CADPS: variants seen among roughly 807,000 people sequenced by gnomAD.
CADPS encodes calcium dependent secretion activator.
CADPS carries 57 observed loss-of-function variants against 167.3 expected under a neutral mutation model. The ratio of observed to expected loss-of-function variants is 0.34; its 90% confidence interval spans 0.28 to 0.42. CADPS has a LOEUF of 0.42. CADPS is among the 20% of genes least tolerant of loss of function. The pLI, the probability that CADPS is intolerant of heterozygous loss-of-function variation, is 1.00. For missense variants in CADPS, 1,414 were observed against 1,738.1 expected (o/e 0.81, Z 3.32); for synonymous variants, 676 against 635.3 (o/e 1.06, Z -0.96).
intron 26 of CADPS, among the ~76,000 whole-genome samples, chr3:62,450,273 T>C (rs550151767): frequency 6.6e-6 from 1 of 152,284 alleles, no homozygotes; most frequent in South Asian, 2.1e-4. Context: ...AAAGACCTGT[T>C]CTCTTTGCTA....
chr3:62,799,297 G>A (rs761488584), intron 1 of CADPS, among the ~76,000 whole-genome samples: 1 of 152,054 alleles, frequency 6.6e-6, no homozygotes, highest in Non-Finnish European at 1.5e-5. Flanking sequence ...TGTAGCCGAG[G>A]GTGCCTCTGT....
chr3:62,571,727 G>A (rs2081326444), intron 8 of CADPS, among the ~76,000 whole-genome samples: 1 of 151,982 alleles, frequency 6.6e-6, no homozygotes, highest in Non-Finnish European at 1.5e-5. Context: ...ACCATGCTTG[G>A]CTAATTTTGT....
At chr3:62,702,731 G>A (rs918273837) in intron 3 of CADPS, among the ~76,000 whole-genome samples, 1 of 152,110 alleles carries the variant, frequency 6.6e-6, no homozygotes, top group African/African-American at 2.4e-5. Flanking sequence ...CATGACTATG[G>A]AACAGTTGAA....
At chr3:62,556,585 G>A (rs1401808512) in intron 10 of CADPS, among the ~76,000 whole-genome samples, 2 of 152,184 alleles carry the variant, frequency 1.3e-5, no homozygotes. Flanking sequence ...TTCTCCGGGA[G>A]AGGGCTGTTG....
At chr3:62,629,262 T>C (rs1008409699) in intron 6 of CADPS, among the ~76,000 whole-genome samples, 6 of 152,192 alleles carry the variant, frequency 3.9e-5, no homozygotes, top group African/African-American at 1.4e-4. Context: ...AAAAGATCCT[T>C]TGTGTCTGTT....
At chr3:62,671,823 C>T (rs747726892) in intron 3 of CADPS, among the ~76,000 whole-genome samples, 2 of 152,084 alleles carry the variant, frequency 1.3e-5, no homozygotes, top group South Asian at 2.1e-4. Context: ...GTGCCAGTGG[C>T]GTGATCTCAG....
At chr3:62,567,973 C>T (rs1330314623) in intron 9 of CADPS, among the ~76,000 whole-genome samples, 1 of 152,158 alleles carries the variant, frequency 6.6e-6, no homozygotes, top group East Asian at 1.9e-4. Context: ...ATTTCTCCTT[C>T]TGGTAATGGC....
chr3:62,445,919 A>G, intron 26 of CADPS, 122 bp from the exon 27 acceptor site: 1 of 576,438 alleles, frequency 1.7e-6, no homozygotes, highest in South Asian at 6.0e-5. Flanking sequence ...ACCAGGAAAA[A>G]CAGAAAGGTA....
intron 6 of CADPS, among the ~76,000 whole-genome samples, chr3:62,641,750 A>G (rs1313202066): frequency 6.6e-6 from 1 of 152,166 alleles, no homozygotes; most frequent in Non-Finnish European, 1.5e-5. Context: ...GACAACAGAA[A>G]TGAGAGGATA....
Position 62,478,150 on chromosome 3 carries a change from T to C in CADPS, c.3329+111A>G, listed in dbSNP as rs1368083327. On this transcript the variant is annotated intron_variant, in intron 23 of 29. Transcript: ENST00000383710. This position sits in a 1 kb window ranked among gnomAD's most constrained non-coding sequence, Gnocchi z 5.7. ...AGCTGACTTTGACAAGCAATCCCCT[T>C]CTCCAATTAGTTTCAAACTACAGCC... is the stretch of plus-strand genomic sequence containing the variant. 1.7e-6 allele frequency: 2 copies of C among 1,207,390 alleles called. No homozygotes were observed. The highest frequency in any genetic ancestry group is 2.4e-6 in the Non-Finnish European group (2 of 845,320). 74.8% of individuals were successfully genotyped at this position (1,207,390 alleles called of 1,614,324 possible). A position where few individuals can be genotyped will look rare whatever the true frequency, so the allele number is the denominator to read the frequency against.
At chr3:62,439,629 G>A (rs929178352) in intron 27 of CADPS, 1 of 152,134 alleles carries the variant, frequency 6.6e-6, no homozygotes, top group African/African-American at 2.4e-5. Context: ...CTCTCCGTTT[G>A]GCAACTGTGC....
chr3:62,454,148 T>C (rs559263076), intron 26 of CADPS, among the ~76,000 whole-genome samples: 1 of 152,334 alleles, frequency 6.6e-6, no homozygotes, highest in African/African-American at 2.4e-5. Flanking sequence ...TGCCTATAAA[T>C]GGAACCATTT....
At chr3:62,668,761 A>G (rs1383211602) in intron 3 of CADPS, among the ~76,000 whole-genome samples, 2 of 152,114 alleles carry the variant, frequency 1.3e-5, no homozygotes, top group Non-Finnish European at 1.5e-5. Context: ...CGTAGGTGCT[A>G]CTTGTACATT....
chr3:62,848,732 C>G (rs1186495132), intron 1 of CADPS, among the ~76,000 whole-genome samples: 4 of 97,590 alleles, frequency 4.1e-5, no homozygotes, highest in Admixed American at 1.2e-4. Context: ...CAGCTTTGTT[C>G]TTTTGGCTTA....
chr3:62,541,370 T>C (rs2075663346), intron 11 of CADPS, among the ~76,000 whole-genome samples: 1 of 152,152 alleles, frequency 6.6e-6, no homozygotes, highest in Non-Finnish European at 1.5e-5. Context: ...GGGGGTTTAA[T>C]TGCATAAGGA....
At chr3:62,762,104 G>C (rs1306043321) in intron 2 of CADPS, among the ~76,000 whole-genome samples, 4 of 152,096 alleles carry the variant, frequency 2.6e-5, no homozygotes, top group Non-Finnish European at 4.4e-5. Flanking sequence ...AGATGGAAAA[G>C]GAATAGCACC....
At chr3:62,728,504 C>T (rs1043852902) in intron 3 of CADPS, among the ~76,000 whole-genome samples, 2 of 151,768 alleles carry the variant, frequency 1.3e-5, no homozygotes, top group African/African-American at 4.9e-5. Context: ...CTTAACTTTC[C>T]CCTTCACAAA....
intron 11 of CADPS, among the ~76,000 whole-genome samples, chr3:62,540,600 G>A (rs2075527393): frequency 6.6e-6 from 1 of 152,042 alleles, no homozygotes; most frequent in Non-Finnish European, 1.5e-5. Context: ...TCTAGGTGCA[G>A]GTGTCTTTGG....
chr3:62,813,464 C>T lies in CADPS; in HGVS notation c.442-47480G>A, dbSNP rs554280317. On this transcript the variant is annotated intron_variant, in intron 1 of 29. Coordinates refer to ENST00000383710, the MANE Select transcript of CADPS (RefSeq NM_003716.4). ...CATTTTACATATATAAAAATAAACT[C>T]GAGATGTATTAAAGACTTAACTGTA... 4.5e-4 allele frequency among the ~76,000 whole-genome samples: 68 copies of T among 152,004 alleles called. 1 individual carries two copies. The South Asian group carries it at 0.011, about 25-fold the overall frequency.
Sources: allele counts gnomAD v4.1 joint callset (sites outside exome capture counted in the v4.1 genomes callset), GRCh38; gene constraint gnomAD v4.1.1; non-coding constraint Gnocchi (gnomAD v3.1); transcripts MANE v1.5; gene names NCBI Gene and HGNC (gene_info 2026-07-23, HGNC 2026-07-21).